Variants in NEGR1 observed in about 807,000 individuals in gnomAD.
The protein encoded by NEGR1 is neuronal growth regulator 1, also known as IgLON family member 4.
Under a neutral mutation model 40.9 loss-of-function variants are expected in NEGR1, and 10 were observed. The observed-to-expected ratio is 0.24, with a 90% CI of 0.15 to 0.42. NEGR1 has a LOEUF of 0.42. NEGR1 is among the 10% of genes least tolerant of loss of function. The pLI is 1.00. For missense variants in NEGR1, 352 were observed against 438.9 expected (o/e 0.80, Z 1.77); for synonymous variants, 185 against 166.8 (o/e 1.11, Z -0.84).
Position 71,698,038 on chromosome 1 carries a change from C to T in NEGR1, c.637G>A (p.Asp213Asn). 5 of 1,611,508 alleles carry T rather than the reference C, an allele frequency of 3.1e-6. No homozygotes were observed. The highest frequency in any genetic ancestry group is 4.2e-6 in the Non-Finnish European group (5 of 1,178,246). The change falls in exon 4 of 7, where the codon GAT becomes AAT. Residue 213 changes from aspartate (D) to asparagine (N), a missense_variant. By Grantham distance (23) the Asp-to-Asn change is conservative. Coordinates refer to ENST00000357731, the MANE Select transcript of NEGR1 (RefSeq NM_173808.3). Reference protein sequence around the residue: ...CSAENDVSFPDVRKVKVVVNF... With the variant: ...CSAENDVSFPNVRKVKVVVNF... The stretch of plus-strand genomic sequence containing the variant: ...ACAACAACTTTTACTTTCCTCACAT[C>T]TGGGAATGACACATCATTTTCCGCA...
At position 71,877,887 on chromosome 1, in the gene NEGR1, T is replaced by A. The variant is rs1248065408; in HGVS notation, c.409+57192A>T. On this transcript the variant is annotated intron_variant, in intron 2 of 6. Coordinates refer to ENST00000357731, the MANE Select transcript of NEGR1 (RefSeq NM_173808.3). ...AATGCTTAGTCCTTGATGGAGGTGA[T>A]CTTGTAAATTTTATATTATAATTTA... Among the ~76,000 whole-genome samples, 4 of 152,172 alleles carry A rather than the reference T, an allele frequency of 2.6e-5. No individual in the cohort carries two copies. The East Asian group carries it at 7.7e-4, about 29-fold the overall frequency.
At chr1:71,491,936 A>G (rs558657312) in intron 6 of NEGR1, among the ~76,000 whole-genome samples, 1 of 152,182 alleles carries the variant, frequency 6.6e-6, no homozygotes, top group East Asian at 1.9e-4. Flanking sequence ...AACCTTTAGG[A>G]GGTGATTAGG....
At chr1:71,832,923 G>A (rs577457707) in intron 2 of NEGR1, among the ~76,000 whole-genome samples, 2 of 152,062 alleles carry the variant, frequency 1.3e-5, no homozygotes, top group African/African-American at 4.8e-5. Context: ...AGAACAGATA[G>A]TATTATTAAA....
At chr1:71,723,984 A>G (rs1490752819) in intron 3 of NEGR1, among the ~76,000 whole-genome samples, 6 of 151,286 alleles carry the variant, frequency 4.0e-5, no homozygotes, top group South Asian at 2.1e-4. Flanking sequence ...GTCAAGAGGG[A>G]AAAAAAAAGT....
intron 2 of NEGR1, among the ~76,000 whole-genome samples, chr1:71,898,471 C>T (rs1461299835): frequency 2.0e-5 from 3 of 151,992 alleles, no homozygotes; most frequent in African/African-American, 4.8e-5. Context: ...AAAAATTAGC[C>T]GGGCGTAGTG....
intron 4 of NEGR1, among the ~76,000 whole-genome samples, chr1:71,688,636 T>TA (rs1653144897): frequency 6.6e-6 from 1 of 151,636 alleles, no homozygotes; most frequent in African/African-American, 2.4e-5. Context: ...TTTGTATCTT[T>TA]AGTAGAGACA....
chr1:71,927,732 C>T (rs1648265), intron 2 of NEGR1, among the ~76,000 whole-genome samples: 1,917 of 145,372 alleles, frequency 0.013, 39 homozygotes, highest in African/African-American at 0.047. Context: ...GTAATCCCAG[C>T]ACTTTGGGAG....
intron 6 of NEGR1, among the ~76,000 whole-genome samples, chr1:71,451,565 A>G (rs967125955): frequency 6.6e-6 from 1 of 151,806 alleles, no homozygotes; most frequent in Non-Finnish European, 1.5e-5. Flanking sequence ...CAAACTCCTA[A>G]CCTCAGGTGA....
At chr1:71,459,643 G>A (rs1029857854) in intron 6 of NEGR1, among the ~76,000 whole-genome samples, 1 of 152,114 alleles carries the variant, frequency 6.6e-6, no homozygotes, top group Non-Finnish European at 1.5e-5. Flanking sequence ...TCCCATGTCA[G>A]TAAGTTCAAA....
chr1:72,239,435 AAT>A (rs1225315160), intron 1 of NEGR1, among the ~76,000 whole-genome samples: 1 of 151,824 alleles, frequency 6.6e-6, no homozygotes. Flanking sequence ...AATACATAAA[AAT>A]AATATAAACA....
chr1:71,618,774 T>C (rs898168142), intron 4 of NEGR1, among the ~76,000 whole-genome samples: 3 of 152,160 alleles, frequency 2.0e-5, no homozygotes, highest in African/African-American at 7.2e-5. Context: ...AACCGGTCCC[T>C]GGTGCCAAAA....
chr1:72,089,897 C>T lies in NEGR1; in HGVS notation c.177-154586G>A, dbSNP rs371265587. 1.6e-4 allele frequency among the ~76,000 whole-genome samples: 25 copies of T among 151,814 alleles called. 1 individual carries two copies. Among genetic ancestry groups the T allele is most frequent in the East Asian group, 1.5e-3 (8 of 5,168 alleles). On this transcript the variant is annotated intron_variant, in intron 1 of 6. Coordinates refer to ENST00000357731, the MANE Select transcript of NEGR1 (RefSeq NM_173808.3). ...CACCTCACTTCAGGGATTTGTGGTA[C>T]GGAGATTTATATAATTTCTTAAATA...
chr1:71,836,463 C>T (rs1193405822), intron 2 of NEGR1, among the ~76,000 whole-genome samples: 1 of 122,882 alleles, frequency 8.1e-6, no homozygotes, highest in Admixed American at 9.8e-5. Context: ...AAACAAAAAA[C>T]AACAAAATAT....
At chr1:71,419,055 C>T (rs1646375560) in intron 6 of NEGR1, among the ~76,000 whole-genome samples, 1 of 152,146 alleles carries the variant, frequency 6.6e-6, no homozygotes, top group South Asian at 2.1e-4. Context: ...CTACAGGGCT[C>T]CTCAGAGGGT....
At chr1:72,011,591 T>A (rs1264878700) in intron 1 of NEGR1, among the ~76,000 whole-genome samples, 1 of 152,112 alleles carries the variant, frequency 6.6e-6, no homozygotes, top group East Asian at 1.9e-4. Context: ...CCACAATATT[T>A]GCCCTCAAAA....
At chr1:71,620,595 A>C (rs1200212597) in intron 4 of NEGR1, among the ~76,000 whole-genome samples, 1 of 152,006 alleles carries the variant, frequency 6.6e-6, no homozygotes, top group Non-Finnish European at 1.5e-5. Flanking sequence ...TCTTTTTATG[A>C]AGCAAATATG....
chr1:71,737,025 A>G (rs1449721270), intron 3 of NEGR1, among the ~76,000 whole-genome samples: 1 of 152,194 alleles, frequency 6.6e-6, no homozygotes, highest in Non-Finnish European at 1.5e-5. Flanking sequence ...ATTGTTCTCA[A>G]ATATCTGGAT....
At chr1:72,000,046 A>G (rs1646544305) in intron 1 of NEGR1, among the ~76,000 whole-genome samples, 1 of 151,998 alleles carries the variant, frequency 6.6e-6, no homozygotes, top group Non-Finnish European at 1.5e-5. Flanking sequence ...CCAGAATAAC[A>G]CTACGAAAGG....
chr1:71,705,809 G>A (rs1330535947), intron 3 of NEGR1, among the ~76,000 whole-genome samples: 1 of 148,568 alleles, frequency 6.7e-6, no homozygotes, highest in Admixed American at 6.7e-5. Context: ...AGAAAAGAGA[G>A]GAAGGAGAAA....
Sources: allele counts gnomAD v4.1 joint callset (sites outside exome capture counted in the v4.1 genomes callset), GRCh38; gene constraint gnomAD v4.1.1; transcripts MANE v1.5; gene names NCBI Gene and HGNC (gene_info 2026-07-23, HGNC 2026-07-21).